Variants in ERV3-1 observed in about 807,000 individuals in gnomAD.
The protein encoded by ERV3-1 is endogenous retrovirus group 3 member 1 Env polyprotein.
ERV3-1 carries 36 observed loss-of-function variants against 24.6 expected under a neutral mutation model. That is an observed-to-expected ratio of 1.47 (90% CI 1.12 to 1.94). The LOEUF is 1.94. ERV3-1 is among the 30% of genes most tolerant of loss of function. The pLI, the probability that ERV3-1 is intolerant of heterozygous loss-of-function variation, is 0.00. For synonymous variants in ERV3-1, 211 were observed against 122.6 expected (o/e 1.72, Z -4.76); for missense variants, 578 against 330.9 (o/e 1.75, Z -5.79).
chr7:64,998,820 T>C (rs930276723), intron 1 of ERV3-1, among the ~76,000 whole-genome samples: 3 of 152,124 alleles, frequency 2.0e-5, no homozygotes, highest in Admixed American at 6.5e-5. Context: ...GGTTCCACAC[T>C]TCACTCAGAT....
rs1786253461 is a variant in ERV3-1, at chr7:64,991,109, A to G, written c.*103T>C. The G allele has an allele frequency of 3.3e-6, 2 of 603,332 alleles. No individual in the cohort carries two copies. Among genetic ancestry groups the G allele is most frequent in the Non-Finnish European group, 5.9e-6 (2 of 338,546 alleles). 37.4% of individuals were successfully genotyped at this position (603,332 alleles called of 1,614,324 possible). On this transcript the variant is annotated 3_prime_UTR_variant, in exon 2 of 2. Transcript: ENST00000394323. ...TTTTTGACAATGAGGGGTAAGAGAC[A>G]AGGGAGTATAAGGCAAACTCCCAAT...
At chr7:64,994,455 T>C (rs1176620561) in intron 1 of ERV3-1, among the ~76,000 whole-genome samples, 3 of 152,158 alleles carry the variant, frequency 2.0e-5, no homozygotes, top group East Asian at 1.9e-4. Flanking sequence ...TGAGACCTCC[T>C]GGAGGGGAGG....
intron 1 of ERV3-1, among the ~76,000 whole-genome samples, chr7:64,995,747 A>G (rs565306210): frequency 6.6e-6 from 1 of 152,188 alleles, no homozygotes; most frequent in Non-Finnish European, 1.5e-5. Flanking sequence ...TGGATACTCT[A>G]TACCCTGCTT....
intron 1 of ERV3-1, among the ~76,000 whole-genome samples, chr7:65,000,501 G>A (rs1474152029): frequency 6.6e-6 from 1 of 152,096 alleles, no homozygotes; most frequent in Non-Finnish European, 1.5e-5. Flanking sequence ...GTGATTACAG[G>A]CATGAGCCAC....
chr7:64,998,418 T>C (rs919847265), intron 1 of ERV3-1, among the ~76,000 whole-genome samples: 5 of 152,150 alleles, frequency 3.3e-5, no homozygotes, highest in African/African-American at 1.2e-4. Context: ...ACACGGCCAA[T>C]TTTTTCCCTA....
Position 64,992,332 on chromosome 7 carries a change from C to G in ERV3-1, c.695G>C (p.Gly232Ala). 1.3e-6 allele frequency: 1 copy of G among 766,318 alleles called. No homozygotes were observed. 47.5% of individuals were successfully genotyped at this position (766,318 alleles called of 1,614,324 possible). A position where few individuals can be genotyped will look rare whatever the true frequency, so the allele number is the denominator to read the frequency against. Residue 232 changes from glycine (G) to alanine (A), a missense_variant, in exon 2 of 2, where the codon GGA becomes GCA. Coordinates refer to ENST00000394323, the MANE Select transcript of ERV3-1 (RefSeq NM_001007253.4). The part of the protein sequence containing the change: ...ARVSGEEIGP[G>A]AYVYLYIIKK... ...TATGATATATAGATAGACATAGGCT[C>G]CTGGGCCAATTTCTTCACCGCTGAC...
rs1426412990 is a variant in ERV3-1 at position 64,990,598 on chromosome 7, C to T, written c.*614G>A. On this transcript the variant is annotated 3_prime_UTR_variant, in exon 2 of 2. Transcript: ENST00000394323. Reference sequence around the variant, plus strand: ...GCAACATGAGCCTACCTTACTTAAACATGTCTTGTGACCTTGCCATGCTAC... The same window carrying T: ...GCAACATGAGCCTACCTTACTTAAATATGTCTTGTGACCTTGCCATGCTAC... 2 of 152,274 alleles carry T rather than the reference C, an allele frequency of 1.3e-5. No homozygotes were observed. The highest frequency in any genetic ancestry group is 4.8e-5 in the African/African-American group (2 of 41,468). 9.4% of individuals were successfully genotyped at this position (152,274 alleles called of 1,614,324 possible).
intron 1 of ERV3-1, among the ~76,000 whole-genome samples, chr7:64,997,878 A>C (rs963446858): frequency 9.2e-5 from 14 of 152,024 alleles, no homozygotes; most frequent in Admixed American, 1.3e-4. Context: ...TGGTTGAAAA[A>C]GGCTGGTAAA....
rs762261169 is a variant in ERV3-1 at position 64,990,689 on chromosome 7, G to A, written c.*523C>T. The stretch of plus-strand genomic sequence containing the variant: ...CAGAAATAGTTACAAAAATAGTTGT[G>A]AGAGCAGAACAAAGAATAATGTTAT... On this transcript the variant is annotated 3_prime_UTR_variant, in exon 2 of 2. Transcript: ENST00000394323. The A allele has an allele frequency of 6.6e-6, 1 of 152,290 alleles. No homozygotes were observed. The highest frequency in any genetic ancestry group is 1.5e-5 in the Non-Finnish European group (1 of 68,098). 9.4% of individuals were successfully genotyped at this position (152,290 alleles called of 1,614,324 possible).
rs1161689154 is a variant in ERV3-1 at position 64,992,197 on chromosome 7, G to A, written c.830C>T (p.Ala277Val). ...GCTGGCTATGTTTTCAGCCAGTTGG[G>A]CGAATAAATTACTGGCCAAGGGAGG... ...EPPPLASNLF[A>V]QLAENIASSL... is the part of the protein sequence containing the mutation. Residue 277 changes from alanine to valine, a missense_variant, in exon 2 of 2, where the codon GCC becomes GTC. Transcript: ENST00000394323. 9.1e-6 allele frequency: 7 copies of A among 766,270 alleles called. No homozygotes were observed. The East Asian group carries it at 9.7e-5, about 11-fold the overall frequency. 47.5% of individuals were successfully genotyped at this position (766,270 alleles called of 1,614,324 possible). A position where few individuals can be genotyped will look rare whatever the true frequency, so the allele number is the denominator to read the frequency against.
rs369460651 is a variant in ERV3-1, at chr7:64,992,956, G to C, written c.71C>G (p.Pro24Arg). 2 of 766,254 alleles carry C rather than the reference G, an allele frequency of 2.6e-6. No homozygotes were observed. The highest frequency in any genetic ancestry group is 1.7e-5 in the African/African-American group (1 of 59,108). The allele number at this position is 766,254 out of a possible 1,614,324, so 47.5% of individuals were successfully genotyped here. Residue 24 changes from proline (P) to arginine (R), a missense_variant, in exon 2 of 2, where the codon CCC becomes CGC. Pro to Arg is a moderately radical substitution (Grantham distance 103). Coordinates refer to ENST00000394323, the MANE Select transcript of ERV3-1 (RefSeq NM_001007253.4). ...LLPLSMLKGEPWEGCLHCTHT... is the reference protein window; with the variant it reads ...LLPLSMLKGERWEGCLHCTHT... ...GGTGCAGTGGAGGCATCCCTCCCAG[G>C]GTTCTCCTTTTAACATGGATAAGGG...
rs768482598 is a variant in ERV3-1, at chr7:64,992,116, C to CA, written c.910dup (p.Trp304LeufsTer13). ...CATTAGTTCCCTTGCTTCCCATGGC[C>CA]ATTGGTCTCCCATGTTCATTCCCCC... On this transcript the variant is annotated frameshift_variant, in exon 2 of 2. Transcript: ENST00000394323. LOFTEE classifies it high-confidence loss of function. 54 of 766,380 alleles carry CA rather than the reference C, an allele frequency of 7.0e-5. No individual in the cohort carries two copies. The highest frequency in any genetic ancestry group is 6.4e-4 in the Admixed American group (38 of 59,030). The allele number at this position is 766,380 out of a possible 1,614,324, so 47.5% of individuals were successfully genotyped here.
At position 64,991,613 on chromosome 7, in the gene ERV3-1, C is replaced by G. The variant is rs145582808; in HGVS notation, c.1414G>C (p.Gly472Arg). 115 of 704,166 alleles carry G rather than the reference C, an allele frequency of 1.6e-4. No homozygotes were observed. The African/African-American group carries it at 1.8e-3, about 11-fold the overall frequency. The allele number at this position is 704,166 out of a possible 1,614,324, so 43.6% of individuals were successfully genotyped here. A position where few individuals can be genotyped will look rare whatever the true frequency, so the allele number is the denominator to read the frequency against. The change falls in exon 2 of 2, where the codon GGC (glycine) becomes CGC (arginine). Residue 472 changes from glycine (G) to arginine (R), a missense_variant. Transcript: ENST00000394323. ...YDETKRKSKR[G>R]ITIGDWKDNE... is the part of the protein sequence containing the mutation. Reference sequence around the variant, plus strand: ...TCCTTCCAATCTCCTATAGTTATGCCTCTTTTGCTTTTCCTTTTAGTTTCA... The same window carrying G: ...TCCTTCCAATCTCCTATAGTTATGCGTCTTTTGCTTTTCCTTTTAGTTTCA...
Position 64,992,373 on chromosome 7 carries a change from T to C in ERV3-1, c.654A>G (p.Ala218=). The C allele has an allele frequency of 1.3e-6, 1 of 766,356 alleles. No homozygotes were observed. The highest frequency in any genetic ancestry group is 1.3e-5 in the South Asian group (1 of 74,622). The allele number at this position is 766,356 out of a possible 1,614,324, so 47.5% of individuals were successfully genotyped here. A position where few individuals can be genotyped will look rare whatever the true frequency, so the allele number is the denominator to read the frequency against. ...DQPIWTTGLK[A]PLGARVSGEE... ...CACCGCTGACTCGTGCCCCTAGCGG[T>C]GCTTTTAAACCTGTTGTCCATATGG... Residue 218 remains alanine, a synonymous_variant, in exon 2 of 2, where the codon GCA becomes GCG. Transcript: ENST00000394323.
intron 1 of ERV3-1, among the ~76,000 whole-genome samples, chr7:64,996,139 T>C (rs919395618): frequency 2.0e-5 from 3 of 152,212 alleles, no homozygotes; most frequent in African/African-American, 4.8e-5. Flanking sequence ...ATGGTCACCG[T>C]GGCTTGGTTT....
chr7:64,991,025 G>T lies in ERV3-1; in HGVS notation c.*187C>A. The T allele has an allele frequency of 2.0e-6, 1 of 491,696 alleles. No individual in the cohort carries two copies. Among genetic ancestry groups the T allele is most frequent in the Non-Finnish European group, 3.6e-6 (1 of 278,770 alleles). 30.5% of individuals were successfully genotyped at this position (491,696 alleles called of 1,614,324 possible). On this transcript the variant is annotated 3_prime_UTR_variant, in exon 2 of 2. Transcript: ENST00000394323. Reference sequence around the variant, plus strand: ...CTTGGCAGGGGTTAATACTTAGTTAGGGCCATTAGTCGTGTGGTAGTCCGT... The same window carrying T: ...CTTGGCAGGGGTTAATACTTAGTTATGGCCATTAGTCGTGTGGTAGTCCGT...
chr7:64,992,654 G>A lies in ERV3-1; in HGVS notation c.373C>T (p.Gln125Ter), dbSNP rs766015536. Residue 125 changes from glutamine to a stop codon, truncating the protein, a stop_gained, in exon 2 of 2, where the codon CAG becomes TAG. Coordinates refer to ENST00000394323, the MANE Select transcript of ERV3-1 (RefSeq NM_001007253.4). LOFTEE classifies it high-confidence loss of function. Reference sequence around the variant, plus strand: ...AAGAGTGAGCCCATGGATACTATCTGGCAAACATCAAAGTATAAGGATACG... The same window carrying A: ...AAGAGTGAGCCCATGGATACTATCTAGCAAACATCAAAGTATAAGGATACG... Reference protein sequence around the residue: ...DVVSLYFDVCQIVSMGSLFPV... With the variant: ...DVVSLYFDVC 7.8e-6 allele frequency: 6 copies of A among 765,852 alleles called. No individual in the cohort carries two copies. Among genetic ancestry groups the A allele is most frequent in the East Asian group, 2.4e-5 (1 of 41,212 alleles). The allele number at this position is 765,852 out of a possible 1,614,324, so 47.4% of individuals were successfully genotyped here. A position where few individuals can be genotyped will look rare whatever the true frequency, so the allele number is the denominator to read the frequency against.
chr7:65,003,898 T>G (rs2129124718), intron 1 of ERV3-1: 1 of 152,228 alleles, frequency 6.6e-6, no homozygotes, highest in Non-Finnish European at 1.5e-5. Flanking sequence ...GGAACTGATG[T>G]TTTCATGAAT....
intron 1 of ERV3-1, among the ~76,000 whole-genome samples, chr7:65,001,908 A>ATAGG (rs1368115378): frequency 6.6e-6 from 1 of 152,180 alleles, no homozygotes; most frequent in Non-Finnish European, 1.5e-5. Context: ...CACAAACCCT[A>ATAGG]TAGGTCCATC....
Sources: allele counts gnomAD v4.1 joint callset (sites outside exome capture counted in the v4.1 genomes callset), GRCh38; gene constraint gnomAD v4.1.1; transcripts MANE v1.5; gene names NCBI Gene and HGNC (gene_info 2026-07-23, HGNC 2026-07-21).